Variants in MED12L observed in about 807,000 individuals in gnomAD.
MED12L encodes the protein mediator of RNA polymerase II transcription subunit 12-like protein.
A neutral mutation model predicts 281.3 loss-of-function variants in MED12L; 60 were observed. The observed-to-expected ratio is 0.21, with a 90% CI of 0.17 to 0.26. The LOEUF is 0.26. MED12L is among the 10% of genes least tolerant of loss of function. The pLI is 1.00. For synonymous variants in MED12L, 974 were observed against 987.2 expected, an observed-to-expected ratio of 0.99 and a Z score of 0.25; for missense variants, 2,146 against 2,680.9, an observed-to-expected ratio of 0.80 and a Z score of 4.41.
At chr3:151,213,934 C>G (rs772154887) in intron 16 of MED12L, 1 of 1,614,058 alleles carries the variant, frequency 6.2e-7, no homozygotes, top group South Asian at 1.1e-5. Context: ...GAAAGAAGTC[C>G]AAAGAGGCTT....
rs1712909770 is a variant in MED12L at position 151,384,194 on chromosome 3, C to T, written c.4902C>T (p.Tyr1634=). 1 of 1,607,424 alleles carries T rather than the reference C, an allele frequency of 6.2e-7. No individual in the cohort carries two copies. Among genetic ancestry groups the T allele is most frequent in the African/African-American group, 1.3e-5 (1 of 74,704 alleles). The change falls in exon 35 of 45, where the codon TAC becomes TAT. Residue 1634 remains tyrosine (Y), a synonymous_variant. Coordinates refer to ENST00000687756, the MANE Select transcript of MED12L (RefSeq NM_001393769.1). ...GATCTGAAGAGAACAAGCGTGCATACATGAATTTAGTAAAGAAACTGAAAG... is the reference window on the plus strand; with the variant it reads ...GATCTGAAGAGAACAAGCGTGCATATATGAATTTAGTAAAGAAACTGAAAG... ...PGGSEENKRA[Y]MNLVKKLKKE...
At chr3:151,253,279 T>G (rs569034429) in intron 16 of MED12L, among the ~76,000 whole-genome samples, 1 of 152,308 alleles carries the variant, frequency 6.6e-6, no homozygotes, top group South Asian at 2.1e-4. Flanking sequence ...GCACGTATAC[T>G]GCACTCAAGT....
At chr3:151,235,996 G>A (rs1056410279) in intron 16 of MED12L, among the ~76,000 whole-genome samples, 1 of 151,872 alleles carries the variant, frequency 6.6e-6, no homozygotes, top group African/African-American at 2.4e-5. Context: ...GACTTTCAAT[G>A]GCAAAAACTG....
intron 39 of MED12L, among the ~76,000 whole-genome samples, chr3:151,399,729 G>A (rs1715422733): frequency 6.6e-6 from 1 of 151,872 alleles, no homozygotes; most frequent in Non-Finnish European, 1.5e-5. Flanking sequence ...TTTTTCTTTT[G>A]ACAACAGGAA....
intron 16 of MED12L, among the ~76,000 whole-genome samples, chr3:151,348,674 TTGTAA>T (rs1327579304): frequency 2.0e-5 from 3 of 152,072 alleles, no homozygotes; most frequent in African/African-American, 7.2e-5. Flanking sequence ...TGTTTATTTC[TTGTAA>T]TGTATAATAA....
At chr3:151,131,238 G>A (rs1715349051) in intron 5 of MED12L, among the ~76,000 whole-genome samples, 1 of 152,132 alleles carries the variant, frequency 6.6e-6, no homozygotes, top group African/African-American at 2.4e-5. Flanking sequence ...GACTTCGACT[G>A]CTACAAAAAT....
chr3:151,174,701 T>A (rs1361960310), intron 11 of MED12L, among the ~76,000 whole-genome samples: 1 of 152,182 alleles, frequency 6.6e-6, no homozygotes, highest in Admixed American at 6.5e-5. Flanking sequence ...TGCAAAATAT[T>A]TTTTTAATTT....
At chr3:151,294,594 C>T (rs777076331) in intron 16 of MED12L, 93 of 1,613,990 alleles carry the variant, frequency 5.8e-5, no homozygotes, top group Middle Eastern at 1.6e-4. Context: ...ATCACCAGCA[C>T]GGCCACAAAC....
rs78529097 is a variant in MED12L, at chr3:151,415,891, C to A, written c.6298-421C>A. Among the ~76,000 whole-genome samples the A allele has an allele frequency of 6.7e-3, 1,015 of 152,112 alleles. 15 individuals are homozygous for A. The highest frequency in any genetic ancestry group is 0.024 in the African/African-American group (989 of 41,458). On this transcript the variant is annotated intron_variant, in intron 42 of 44. Coordinates refer to ENST00000687756, the MANE Select transcript of MED12L (RefSeq NM_001393769.1). ...GAAAAAAACAAAAAACAAAAAAAAA[C>A]CTTTAAGAATTCTGCCAGATATCAT... is the stretch of plus-strand genomic sequence containing the variant.
intron 23 of MED12L, among the ~76,000 whole-genome samples, chr3:151,367,034 T>A (rs571669066): frequency 6.6e-6 from 1 of 152,298 alleles, no homozygotes; most frequent in Non-Finnish European, 1.5e-5. Flanking sequence ...TGTAGTTGTT[T>A]TTCTTATTAT....
chr3:151,355,867 T>C, intron 18 of MED12L, 29 bp from the exon 19 acceptor site: 1 of 1,572,210 alleles, frequency 6.4e-7, no homozygotes, highest in African/African-American at 1.4e-5. Context: ...AATATTGGTC[T>C]TACAATATTT....
chr3:151,192,721 A>T (rs1022533365), intron 15 of MED12L, 67 bp downstream of exon 15: 3 of 971,244 alleles, frequency 3.1e-6, no homozygotes, highest in Non-Finnish European at 3.2e-6. Flanking sequence ...GCCTGTCTCG[A>T]TCCTTCTGTG....
At chr3:151,319,468 CGTGTGTGTGTGTGTGTGTGTGT>C (rs34335179) in intron 16 of MED12L, among the ~76,000 whole-genome samples, 2 of 145,552 alleles carry the variant, frequency 1.4e-5, no homozygotes, top group African/African-American at 5.1e-5. Context: ...TGTGTGTGTG[CGTGTGTGTGTGTGTGTGTGTGT>C]GTGTGTGTGT....
Position 151,398,492 on chromosome 3 carries a change from A to G in MED12L, c.5820+3625A>G, listed in dbSNP as rs73008541. Reference sequence around the variant, plus strand: ...GGAATATTCTGTCATGGATTGTCTTATATTTCCTCAGGAATGTGTTAAGAC... The same window carrying G: ...GGAATATTCTGTCATGGATTGTCTTGTATTTCCTCAGGAATGTGTTAAGAC... On this transcript the variant is annotated intron_variant, in intron 39 of 44. Transcript: ENST00000687756. 3.7e-3 allele frequency among the ~76,000 whole-genome samples: 562 copies of G among 152,306 alleles called. 2 individuals are homozygous for G. Among genetic ancestry groups the G allele is most frequent in the African/African-American group, 0.013 (540 of 41,578 alleles).
intron 16 of MED12L, among the ~76,000 whole-genome samples, chr3:151,230,495 A>G (rs1317305012): frequency 1.3e-5 from 2 of 151,846 alleles, no homozygotes; most frequent in African/African-American, 4.8e-5. Flanking sequence ...TCGTTATACT[A>G]TACACTACAC....
intron 16 of MED12L, chr3:151,269,404 C>T (rs2149540570): frequency 2.4e-5 from 1 of 41,904 alleles, no homozygotes; most frequent in South Asian, 1.6e-3. Context: ...CCATCACACA[C>T]ACACACACAC....
intron 16 of MED12L, among the ~76,000 whole-genome samples, chr3:151,311,328 T>C (rs1487627905): frequency 1.3e-5 from 2 of 151,564 alleles, no homozygotes; most frequent in African/African-American, 4.9e-5. Flanking sequence ...AAACTGTGTG[T>C]GTGTGTATAT....
chr3:151,331,855 A>G (rs1214773560), intron 16 of MED12L, among the ~76,000 whole-genome samples: 5 of 152,166 alleles, frequency 3.3e-5, no homozygotes, highest in African/African-American at 1.2e-4. Context: ...AAGTTAAGCC[A>G]TTTTCCCCAT....
At chr3:151,337,013 A>G (rs957359173) in intron 16 of MED12L, 3 of 152,164 alleles carry the variant, frequency 2.0e-5, no homozygotes, top group Non-Finnish European at 4.4e-5. Context: ...ATTAGCAGCT[A>G]TTTTCTAGAA....
Sources: gnomAD v4.1 joint callset for allele counts (sites outside exome capture counted in the v4.1 genomes callset) on GRCh38, gnomAD v4.1.1 for gene constraint, MANE v1.5 for transcripts, NCBI Gene and HGNC (gene_info 2026-07-23, HGNC 2026-07-21) for gene names.